The following DNAH5 variants were observed in gnomAD, a reference collection of about 807,000 sequenced individuals.
DNAH5 encodes the protein axonemal beta dynein heavy chain 5.
A neutral mutation model predicts 518.2 loss-of-function variants in DNAH5; 372 were observed. The ratio of observed to expected loss-of-function variants is 0.72; its 90% CI spans 0.66 to 0.78. The LOEUF is 0.78. Among genes scored for constraint, DNAH5 ranks in the 30% least tolerant of loss-of-function variants. The pLI is 0.00. For missense variants in DNAH5, 5,523 were observed against 5,687.0 expected (o/e 0.97, Z 0.93); for synonymous variants, 2,039 against 2,025.9 (o/e 1.01, Z -0.17).
chr5:13,956,322 T>C (rs1220253356), intron 1 of DNAH5, among the ~76,000 whole-genome samples: 1 of 152,244 alleles, frequency 6.6e-6, no homozygotes, highest in East Asian at 1.9e-4. Flanking sequence ...GCACAATATC[T>C]GCCATATAAC....
chr5:13,810,305 C>A (rs1446668363), intron 44 of DNAH5, 45 bp from the exon 45 acceptor site: 18 of 1,510,698 alleles, frequency 1.2e-5, no homozygotes, highest in Non-Finnish European at 1.4e-5. Context: ...ATTCTGAAAC[C>A]CAAACGTTGC....
intron 47 of DNAH5, among the ~76,000 whole-genome samples, chr5:13,806,371 G>A (rs1021139580): frequency 1.3e-5 from 2 of 152,126 alleles, no homozygotes; most frequent in Non-Finnish European, 2.9e-5. Flanking sequence ...GTCTCCTCCA[G>A]AAGAGTATAA....
At chr5:13,758,492 CTAAA>C (rs559774091) in intron 61 of DNAH5, among the ~76,000 whole-genome samples, 3 of 151,992 alleles carry the variant, frequency 2.0e-5, no homozygotes, top group African/African-American at 7.2e-5. Flanking sequence ...AATACTTTGT[CTAAA>C]TAAATAAATA....
intron 1 of DNAH5, among the ~76,000 whole-genome samples, chr5:13,988,344 G>C (rs1408512629): frequency 6.6e-6 from 1 of 152,142 alleles, no homozygotes; most frequent in Non-Finnish European, 1.5e-5. Context: ...GAGGGCTGTG[G>C]CTCTGTTGTA....
intron 1 of DNAH5, among the ~76,000 whole-genome samples, chr5:13,957,991 TA>T (rs993990311): frequency 5.9e-5 from 9 of 151,868 alleles, no homozygotes; most frequent in African/African-American, 1.7e-4. Context: ...TATATACCTT[TA>T]TTTTTAGTTT....
chr5:14,005,228 G>A (rs958362104), intron 1 of DNAH5, among the ~76,000 whole-genome samples: 4 of 151,922 alleles, frequency 2.6e-5, no homozygotes, highest in Non-Finnish European at 4.4e-5. Context: ...CTCAAGCATC[G>A]CCTTCCAGAA....
At chr5:13,826,069 G>C (rs1489018107) in intron 38 of DNAH5, among the ~76,000 whole-genome samples, 1 of 152,186 alleles carries the variant, frequency 6.6e-6, no homozygotes, top group Non-Finnish European at 1.5e-5. Context: ...AAGTAACAAT[G>C]ACTTAAAAGT....
At chr5:13,806,830 G>A (rs1318265633) in intron 47 of DNAH5, among the ~76,000 whole-genome samples, 1 of 152,112 alleles carries the variant, frequency 6.6e-6, no homozygotes, top group South Asian at 2.1e-4. Context: ...CAAACTTGAG[G>A]GGTTTTTTTT....
Position 13,769,068 on chromosome 5 carries a change from C to T in DNAH5, c.9789G>A (p.Lys3263=). 6.2e-7 allele frequency: 1 copy of T among 1,614,194 alleles called. No homozygotes were observed. Among genetic ancestry groups the T allele is most frequent in the Non-Finnish European group, 8.5e-7 (1 of 1,180,032 alleles). Residue 3263 remains lysine, a synonymous_variant, in exon 58 of 79, where the codon AAG becomes AAA. Coordinates refer to ENST00000265104, the MANE Select transcript of DNAH5 (RefSeq NM_001369.3). ...TGTCCACAATGGCCTGGGCCCTGTC[C>T]TTCACCTTCTGTACCTCAGCCTTGA... The part of the protein sequence containing the change: ...EKVKAEVQKV[K]DRAQAIVDSI...
chr5:13,736,382 C>T (rs1394279354), intron 66 of DNAH5, among the ~76,000 whole-genome samples: 5 of 151,950 alleles, frequency 3.3e-5, no homozygotes, highest in South Asian at 4.2e-4. Flanking sequence ...TAACAATAAA[C>T]GACACTTTAA....
chr5:13,762,649 C>T (rs931270938), intron 60 of DNAH5, 73 bp downstream of exon 60: 23 of 1,383,488 alleles, frequency 1.7e-5, no homozygotes, highest in Non-Finnish European at 2.0e-5. Context: ...ACATGTGCTC[C>T]TGTAAAGATA....
intron 62 of DNAH5, 128 bp from the exon 63 acceptor site, chr5:13,753,677 G>A (rs1750581600): frequency 1.2e-6 from 1 of 845,856 alleles, no homozygotes; most frequent in Non-Finnish European, 1.8e-6. Flanking sequence ...TCAAACTGGA[G>A]GCACAAGTGG....
chr5:13,836,564 A>G (rs551124615), intron 35 of DNAH5, among the ~76,000 whole-genome samples: 17 of 152,342 alleles, frequency 1.1e-4, no homozygotes, highest in Non-Finnish European at 2.5e-4. Flanking sequence ...ATTGCTCAAG[A>G]AAGACGAGAT....
At chr5:13,700,392 G>A (rs985528713) in intron 78 of DNAH5, among the ~76,000 whole-genome samples, 1 of 152,110 alleles carries the variant, frequency 6.6e-6, no homozygotes, top group Admixed American at 6.5e-5. Context: ...AATATTTCAT[G>A]AGTATCCACA....
chr5:13,904,946 G>A (rs1775104222), intron 12 of DNAH5, among the ~76,000 whole-genome samples: 3 of 151,658 alleles, frequency 2.0e-5, no homozygotes, highest in Admixed American at 2.0e-4. Flanking sequence ...GAAAGAAATA[G>A]TAGGAAGTAA....
Position 13,911,669 on chromosome 5 carries a change from G to A in DNAH5, c.1537-176C>T, listed in dbSNP as rs371561376. On this transcript the variant is annotated intron_variant, in intron 11 of 78. Coordinates refer to ENST00000265104, the MANE Select transcript of DNAH5 (RefSeq NM_001369.3). ...CTTATTATTTTACAGGCAGTATAAG[G>A]TTGCCCTACTGCATTCAAAGAAATC... Among the ~76,000 whole-genome samples the A allele has an allele frequency of 2.7e-4, 41 of 152,098 alleles. 1 individual carries two copies. The East Asian group carries it at 7.5e-3, about 28-fold the overall frequency.
At chr5:13,736,681 C>A (rs1047126707) in intron 66 of DNAH5, among the ~76,000 whole-genome samples, 17 of 152,160 alleles carry the variant, frequency 1.1e-4, no homozygotes, top group African/African-American at 4.1e-4. Flanking sequence ...CCCACCTCAG[C>A]CTCCCAAAGT....
chr5:13,816,554 G>GAAAAGAA (rs1761470144), intron 42 of DNAH5, among the ~76,000 whole-genome samples: 1 of 113,668 alleles, frequency 8.8e-6, no homozygotes, highest in Non-Finnish European at 1.8e-5. Flanking sequence ...GTGGAAAGGG[G>GAAAAGAA]AAAAAAAAAA....
intron 70 of DNAH5, among the ~76,000 whole-genome samples, chr5:13,726,660 T>G (rs1252515509): frequency 3.9e-5 from 6 of 152,132 alleles, no homozygotes; most frequent in Non-Finnish European, 7.4e-5. Context: ...TGAAACTCAT[T>G]TTTCTTTTCT....
Sources: allele counts gnomAD v4.1 joint callset (sites outside exome capture counted in the v4.1 genomes callset), GRCh38; gene constraint gnomAD v4.1.1; transcripts MANE v1.5; gene names NCBI Gene and HGNC (gene_info 2026-07-23, HGNC 2026-07-21).